Variants in ARX observed in about 807,000 individuals in gnomAD.
The protein encoded by ARX is homeobox protein ARX.
Under a neutral mutation model 23.1 loss-of-function variants are expected in ARX, and 1 was observed. The ratio of observed to expected loss-of-function variants is 0.04; its 90% confidence interval spans 0.02 to 0.21. The LOEUF is 0.21. Among genes scored for constraint, ARX ranks in the 10% least tolerant of loss-of-function variants. The pLI is 1.00. For missense variants in ARX, 380 were observed against 527.5 expected (o/e 0.72, Z 2.74); for synonymous variants, 301 against 270.1 (o/e 1.11, Z -1.12).
In ARX at chrX:25,004,754, C is replaced by G. The variant is rs1480681695; in HGVS notation, c.1605G>C (p.Leu535=). The G allele has an allele frequency of 1.4e-5, 16 of 1,169,391 alleles. No homozygotes were observed. Among genetic ancestry groups the G allele is most frequent in the Non-Finnish European group, 1.8e-5 (16 of 874,531 alleles). ...ADRRASSIAA[L]RLKAKEHAAQ... is the part of the protein sequence containing the mutation. ...CCGCGTGCTCCTTGGCCTTGAGCCT[C>G]AGCGCGGCTATGCTAGAGGCGCGTC... Residue 535 remains leucine, a synonymous_variant, in exon 5 of 5, where the codon CTG becomes CTC. Coordinates refer to ENST00000379044, the MANE Select transcript of ARX (RefSeq NM_139058.3).
In ARX at chrX:25,007,288, G is replaced by A. The variant is rs2147320493; in HGVS notation, c.1271C>T (p.Pro424Leu). The A allele has an allele frequency of 2.7e-6, 3 of 1,119,470 alleles. No homozygotes were observed. The highest frequency in any genetic ancestry group is 3.5e-6 in the Non-Finnish European group (3 of 856,692). The allele number at this position is 1,119,470 out of a possible 1,213,427, so 92.3% of individuals were successfully genotyped here. The change falls in exon 4 of 5, where the codon CCG becomes CTG. Residue 424 changes from proline (P) to leucine (L), a missense_variant. Pro to Leu is a moderately conservative substitution (Grantham distance 98). This residue lies in a region of ARX where 121 missense variants were observed against 169.7 expected (regional missense o/e 0.71). Coordinates refer to ENST00000379044, the MANE Select transcript of ARX (RefSeq NM_139058.3). ...LDASPFPPHH[P>L]ALDSAWTAAA... The stretch of plus-strand genomic sequence containing the variant: ...GGCAGTCCAAGCGGAGTCGAGCGCC[G>A]GGTGGTGCGGAGGGAAGGGGCTGGC...
intron 3 of ARX, 66 bp downstream of exon 3, chrX:25,010,194 C>CCAAA: frequency 9.0e-7 from 1 of 1,109,944 alleles, no homozygotes; most frequent in Non-Finnish European, 1.2e-6. Flanking sequence ...GCCACCAACC[C>CCAAA]ATCTCTCTCT....
rs2147323748 is a variant in ARX, at chrX:25,013,171, G to A, written c.824C>T (p.Ala275Val). The A allele has an allele frequency of 1.7e-6, 2 of 1,190,384 alleles. No homozygotes were observed. The highest frequency in any genetic ancestry group is 1.1e-6 in the Non-Finnish European group (1 of 886,243). The stretch of plus-strand genomic sequence containing the variant: ...GGCCACTGCAGCGGCAGCTGCTGCG[G>A]CCACGGCGCCAGTGGCGGCCACAGG... Reference protein sequence around the residue: ...RCPVAATGAVAAAAAAAVATE... With the variant: ...RCPVAATGAVVAAAAAAVATE... Residue 275 changes from alanine (A) to valine (V), a missense_variant, in exon 2 of 5, where the codon GCC becomes GTC. Physicochemically the swap from Ala to Val is moderately conservative, Grantham distance 64 (BLOSUM62 0). This residue lies in a region of ARX where 235 missense variants were observed against 270.2 expected (regional missense o/e 0.87). Coordinates refer to ENST00000379044, the MANE Select transcript of ARX (RefSeq NM_139058.3).
Position 25,013,569 on chromosome X carries a change from T to A in ARX, c.426A>T (p.Ala142=). 1.3e-6 allele frequency: 1 copy of A among 760,685 alleles called. No individual in the cohort carries two copies. The highest frequency in any genetic ancestry group is 1.5e-4 in the East Asian group (1 of 6,747). The allele number at this position is 760,685 out of a possible 1,213,427, so 62.7% of individuals were successfully genotyped here. A position where few individuals can be genotyped will look rare whatever the true frequency, so the allele number is the denominator to read the frequency against. Residue 142 remains alanine, a synonymous_variant, in exon 2 of 5, where the codon GCA becomes GCT. Transcript: ENST00000379044. ...TARPGERPDG[A]GAAAAAAAAA... ...CGGCCGCGGCTGCCGCGGCGGCCCCTGCGCCGTCCGGCCGTTCCCCGGGCC... is the reference window on the plus strand; with the variant it reads ...CGGCCGCGGCTGCCGCGGCGGCCCCAGCGCCGTCCGGCCGTTCCCCGGGCC...
chrX:25,010,057 C>T, intron 3 of ARX, among the ~76,000 whole-genome samples: 1 of 111,478 alleles, frequency 9.0e-6, no homozygotes, highest in South Asian at 3.8e-4. Flanking sequence ...AACCCAGAAA[C>T]CTCCCGCTTC....
At position 25,004,326 on chromosome X, in the gene ARX, T is replaced by G; in HGVS notation, c.*344A>C. The G allele has an allele frequency of 4.8e-6, 1 of 208,680 alleles. No homozygotes were observed. Among genetic ancestry groups the G allele is most frequent in the Non-Finnish European group, 8.6e-6 (1 of 116,768 alleles). 17.2% of individuals were successfully genotyped at this position (208,680 alleles called of 1,213,427 possible). A position where few individuals can be genotyped will look rare whatever the true frequency, so the allele number is the denominator to read the frequency against. On this transcript the variant is annotated 3_prime_UTR_variant, in exon 5 of 5. Coordinates refer to ENST00000379044, the MANE Select transcript of ARX (RefSeq NM_139058.3). ...TAAGTGGGGTGTCAGGAGGAAGAGG[T>G]TGGGCTTTTTAAATTTTTTACTTCA...
chrX:25,013,863 G>C (rs188867312), intron 1 of ARX, 65 bp from the exon 2 acceptor site: 9,459 of 877,733 alleles, frequency 0.011, 44 homozygotes, highest in Non-Finnish European at 0.012. Context: ...GGCTGCTGCC[G>C]GGGCCCGCCC....
At chrX:25,008,388 T>C (rs1224546425) in intron 3 of ARX, among the ~76,000 whole-genome samples, 1 of 113,043 alleles carries the variant, frequency 8.8e-6, no homozygotes, top group African/African-American at 3.2e-5. Flanking sequence ...AGATGTGTTT[T>C]AAATCGGCTA....
At chrX:25,009,807 C>T (rs907747338) in intron 3 of ARX, among the ~76,000 whole-genome samples, 1 of 111,946 alleles carries the variant, frequency 8.9e-6, no homozygotes, top group Non-Finnish European at 1.9e-5. Flanking sequence ...CCTGTTTGTT[C>T]TAGCACTAAG....
intron 3 of ARX, 66 bp from the exon 4 acceptor site, chrX:25,007,505 G>A: frequency 1.8e-6 from 2 of 1,104,894 alleles, no homozygotes; most frequent in Non-Finnish European, 2.4e-6. Flanking sequence ...GCCCCTACCC[G>A]TCCCTTCCCT....
intron 3 of ARX, 151 bp from the exon 4 acceptor site, chrX:25,007,590 T>C: frequency 1.4e-6 from 1 of 738,413 alleles, no homozygotes; most frequent in Non-Finnish European, 1.9e-6. Flanking sequence ...CAGGTTGTTT[T>C]CGGACGCGTC....
At chrX:25,014,173 A>C (rs1471110655) in intron 1 of ARX, among the ~76,000 whole-genome samples, 24 of 81,440 alleles carry the variant, frequency 2.9e-4, no homozygotes, top group African/African-American at 6.8e-4. Flanking sequence ...TCTTTTCCTC[A>C]CCTCTCTTTC....
At chrX:25,012,754 G>C (rs1026904152) in intron 2 of ARX, among the ~76,000 whole-genome samples, 168 bp downstream of exon 2, 2 of 112,467 alleles carry the variant, frequency 1.8e-5, no homozygotes, top group Admixed American at 1.9e-4. Context: ...GGTCGGGGGA[G>C]TGGGTAGTTT....
chrX:25,006,968 T>C (rs932723127), intron 4 of ARX, 143 bp downstream of exon 4: 1 of 723,179 alleles, frequency 1.4e-6, no homozygotes, highest in African/African-American at 2.3e-5. Context: ...AATTAGAGAG[T>C]ATTTTCTTTG....
chrX:25,013,922 C>A, intron 1 of ARX, 124 bp from the exon 2 acceptor site: 1 of 857,586 alleles, frequency 1.2e-6, no homozygotes, highest in Non-Finnish European at 1.4e-6. Context: ...GACCGCGCAC[C>A]ACCAGACTTC....
rs398124512 is a variant in ARX at position 25,013,536 on chromosome X, G to GGCGGCC, written c.453_458dup (p.Ala154_Ala155dup). 2.6e-5 allele frequency: 21 copies of GGCGGCC among 811,267 alleles called. No individual in the cohort carries two copies. In the African/African-American group the frequency reaches 3.5e-4, roughly 13 times the overall value. The allele number at this position is 811,267 out of a possible 1,213,427, so 66.9% of individuals were successfully genotyped here. ...TGATCTTGAGCGTGTCCCAGGCCGCGGCGGCCGCGGCCGCGGCTGCCGCGG... is the reference window on the plus strand; with the variant it reads ...TGATCTTGAGCGTGTCCCAGGCCGCGGCGGCCGCGGCCGCGGCCGCGGCTGCCGCGG... On this transcript the variant is annotated inframe_insertion, in exon 2 of 5. Transcript: ENST00000379044.
At chrX:25,012,590 C>G (rs1354742086) in intron 2 of ARX, among the ~76,000 whole-genome samples, 1 of 113,300 alleles carries the variant, frequency 8.8e-6, no homozygotes, top group East Asian at 2.8e-4. Context: ...GCTGTGCGCG[C>G]GTCTCCAAGG....
chrX:25,014,090 A>C (rs1204245316), intron 1 of ARX, among the ~76,000 whole-genome samples: 1 of 94,886 alleles, frequency 1.1e-5, no homozygotes, highest in Admixed American at 1.2e-4. Context: ...TCCTTCCCTT[A>C]TCTATTCCTC....
At chrX:25,006,959 A>G (rs1780003714) in intron 4 of ARX, 152 bp downstream of exon 4, 1 of 693,191 alleles carries the variant, frequency 1.4e-6, no homozygotes, top group South Asian at 3.9e-5. Flanking sequence ...TTGAGGCTCA[A>G]TTAGAGAGTA....
Sources: gnomAD v4.1 joint callset for allele counts (sites outside exome capture counted in the v4.1 genomes callset) on GRCh38, gnomAD v4.1.1 for gene constraint, gnomAD v4.1.1 regional missense constraint, MANE v1.5 for transcripts, NCBI Gene and HGNC (gene_info 2026-07-23, HGNC 2026-07-21) for gene names.